Variants in MATK observed in about 807,000 individuals in gnomAD.
MATK encodes the protein megakaryocyte-associated tyrosine kinase.
A neutral mutation model predicts 59.8 loss-of-function variants in MATK; 41 were observed. The observed-to-expected ratio is 0.69, with a 90% confidence interval of 0.53 to 0.89. The LOEUF is 0.89. MATK is among the 40% of genes least tolerant of loss of function. The probability of loss-of-function intolerance (pLI) is 0.00; values close to 1 mark genes in which losing one functional copy is unlikely to be tolerated. For synonymous variants in MATK, 308 were observed against 306.1 expected (o/e 1.01, Z -0.06); for missense variants, 593 against 719.6 (o/e 0.82, Z 2.01).
Position 3,785,146 on chromosome 19 carries a change from G to A in MATK, c.-11C>T, listed in dbSNP as rs1410609620. On this transcript the variant is annotated 5_prime_UTR_variant, in exon 2 of 14. Coordinates refer to ENST00000310132, the MANE Select transcript of MATK (RefSeq NM_139355.3). ...GCCTCGCCCCGCCATCGCCCCCAGA[G>A]GGAAACTGAGGCAGGTGAGAGGCAC... 1 of 1,613,892 alleles carries A rather than the reference G, an allele frequency of 6.2e-7. No homozygotes were observed. The highest frequency in any genetic ancestry group is 8.5e-7 in the Non-Finnish European group (1 of 1,179,986).
chr19:3,782,583 G>A (rs1023145784), intron 7 of MATK, among the ~76,000 whole-genome samples: 29 of 152,260 alleles, frequency 1.9e-4, no homozygotes, highest in African/African-American at 7.0e-4. Context: ...TGGATGTGTG[G>A]AGGAAGGGCT....
chr19:3,778,907 A>T (rs545500806), intron 12 of MATK, 85 bp downstream of exon 12: 1 of 1,362,018 alleles, frequency 7.3e-7, no homozygotes, highest in South Asian at 1.5e-5. Context: ...TTGGAGTTTC[A>T]GAGAGGCCAA....
chr19:3,785,273 G>C lies in MATK; in HGVS notation c.-138C>G. ...GCTGGGTGCCACTGGACCGAGCCTG[G>C]TTCTTCCTGTTTTCTGGTTGGTAGG... On this transcript the variant is annotated 5_prime_UTR_variant, in exon 2 of 14. Transcript: ENST00000310132. 6.6e-7 allele frequency: 1 copy of C among 1,514,572 alleles called. No individual in the cohort carries two copies. The highest frequency in any genetic ancestry group is 8.8e-7 in the Non-Finnish European group (1 of 1,134,316). 93.8% of individuals were successfully genotyped at this position (1,514,572 alleles called of 1,614,324 possible). A position where few individuals can be genotyped will look rare whatever the true frequency, so the allele number is the denominator to read the frequency against.
Position 3,778,216 on chromosome 19 carries a change from G to T in MATK, c.1491C>A (p.Asp497Glu), listed in dbSNP as rs370680588. 3 of 1,569,848 alleles carry T rather than the reference G, an allele frequency of 1.9e-6. No individual in the cohort carries two copies. The highest frequency in any genetic ancestry group is 2.4e-5 in the South Asian group (2 of 85,084). Reference protein sequence around the residue: ...APASVSGQDADGSTSPRSQEP With the variant: ...APASVSGQDAEGSTSPRSQEP ...CCTGGCTTCGGGGCGAGGTGGAGCCGTCGGCGTCCTGCCCTGAGACGGAGG... is the reference window on the plus strand; with the variant it reads ...CCTGGCTTCGGGGCGAGGTGGAGCCTTCGGCGTCCTGCCCTGAGACGGAGG... Residue 497 changes from aspartate to glutamate, a missense_variant, in exon 14 of 14, where the codon GAC (aspartate) becomes GAA (glutamate). Coordinates refer to ENST00000310132, the MANE Select transcript of MATK (RefSeq NM_139355.3).
chr19:3,796,195 A>G (rs748978480), intron 1 of MATK, among the ~76,000 whole-genome samples: 9 of 152,170 alleles, frequency 5.9e-5, no homozygotes, highest in Admixed American at 3.3e-4. Context: ...GGGTAAGTAT[A>G]TTCTTGTTGG....
chr19:3,792,001 A>G (rs991909272), intron 1 of MATK, among the ~76,000 whole-genome samples: 3 of 151,982 alleles, frequency 2.0e-5, no homozygotes, highest in Admixed American at 1.3e-4. Context: ...CCAAGTACTC[A>G]GGAGGCTGAG....
chr19:3,783,576 G>A (rs2037431598), intron 6 of MATK, among the ~76,000 whole-genome samples: 1 of 151,904 alleles, frequency 6.6e-6, no homozygotes, highest in Non-Finnish European at 1.5e-5. Flanking sequence ...AGATGGGATG[G>A]GGGCCTGGGG....
intron 6 of MATK, 56 bp downstream of exon 6, chr19:3,783,758 G>C (rs117286115): frequency 1.1e-4 from 175 of 1,534,846 alleles, no homozygotes; most frequent in Non-Finnish European, 6.3e-6. Context: ...GGGAGTCTCC[G>C]GAGTCCCTGG....
rs774746037 is a variant in MATK, at chr19:3,778,289, T to C, written c.1418A>G (p.Lys473Arg). 4.4e-6 allele frequency: 7 copies of C among 1,575,672 alleles called. No individual in the cohort carries two copies. The highest frequency in any genetic ancestry group is 5.1e-6 in the Non-Finnish European group (6 of 1,166,274). ...AEPARRPPFR[K>R]LAEKLARELR... The stretch of plus-strand genomic sequence containing the variant: ...CTCCCGGGCCAGCTTCTCGGCCAGT[T>C]TGCGGAAGGGTGGCCGGCGGGCGGG... The change falls in exon 14 of 14, where the codon AAA (lysine) becomes AGA (arginine). Residue 473 changes from lysine to arginine, a missense_variant. Coordinates refer to ENST00000310132, the MANE Select transcript of MATK (RefSeq NM_139355.3).
intron 1 of MATK, among the ~76,000 whole-genome samples, chr19:3,801,127 G>A (rs994403351): frequency 2.0e-5 from 3 of 152,130 alleles, no homozygotes; most frequent in African/African-American, 4.8e-5. Flanking sequence ...GTGAGCCACC[G>A]CGCCCGGCCG....
chr19:3,783,920 C>G lies in MATK; in HGVS notation c.476G>C (p.Cys159Ser), dbSNP rs1330705409. 1.9e-6 allele frequency: 3 copies of G among 1,612,902 alleles called. No individual in the cohort carries two copies. Among genetic ancestry groups the G allele is most frequent in the Non-Finnish European group, 1.7e-6 (2 of 1,179,892 alleles). ...SARHPGDYVL[C>S]VSFGRDVIHY... ...GATGACGTCGCGGCCAAAGCTCACGCACAGGACGTAGTCGCCGGGGTGGCG... is the reference window on the plus strand; with the variant it reads ...GATGACGTCGCGGCCAAAGCTCACGGACAGGACGTAGTCGCCGGGGTGGCG... Residue 159 changes from cysteine (C) to serine (S), a missense_variant, in exon 6 of 14, where the codon TGC becomes TCC. Physicochemically the swap from Cys to Ser is moderately radical, Grantham distance 112. Coordinates refer to ENST00000310132, the MANE Select transcript of MATK (RefSeq NM_139355.3).
upstream of MATK, among the ~76,000 whole-genome samples, chr19:3,787,109 C>T (rs1347734718): frequency 6.6e-6 from 1 of 152,154 alleles, no homozygotes; most frequent in Non-Finnish European, 1.5e-5. Context: ...CTGCTTTCAC[C>T]CAATGCAGGC....
Position 3,785,203 on chromosome 19 carries a change from G to T in MATK, c.-68C>A, listed in dbSNP as rs1290901727. ...CAAGTGGTCACAGTCGGGGACGCTG[G>T]GAATGGCCTGCCACAGGCCAGTCGG... On this transcript the variant is annotated 5_prime_UTR_variant, in exon 2 of 14. Transcript: ENST00000310132. The T allele has an allele frequency of 1.9e-6, 3 of 1,608,746 alleles. No individual in the cohort carries two copies. Among genetic ancestry groups the T allele is most frequent in the Non-Finnish European group, 2.5e-6 (3 of 1,178,428 alleles).
At chr19:3,793,195 C>T (rs754577542) in intron 1 of MATK, 6 of 152,238 alleles carry the variant, frequency 3.9e-5, no homozygotes, top group Non-Finnish European at 8.8e-5. Flanking sequence ...GTCCTTAAGA[C>T]GCAGCCGGAC....
chr19:3,782,423 A>G (rs1396994463), intron 7 of MATK, among the ~76,000 whole-genome samples: 1 of 152,256 alleles, frequency 6.6e-6, no homozygotes, highest in Admixed American at 6.5e-5. Context: ...GGAGACAGAC[A>G]TGGGGTCAGA....
chr19:3,789,179 C>T (rs1466759456), upstream of MATK: 1 of 661,616 alleles, frequency 1.5e-6, no homozygotes. Flanking sequence ...TGCGGGCCCA[C>T]CATATATGGC....
chr19:3,784,825 C>T lies in MATK; in HGVS notation c.132G>A (p.Thr44=), dbSNP rs929104503. Residue 44 remains threonine, a splice_region_variant and synonymous_variant, in exon 3 of 14, where the codon ACG becomes ACA. Transcript: ENST00000310132. The stretch of plus-strand genomic sequence containing the variant: ...GAGGAAGCAGGCTAGACACACTCAC[C>T]GTTGGCATCCTGGCTGAGACGGGAG... ...HPPPVSARMP[T]RRWAPGTQCI... 2.6e-6 allele frequency: 4 copies of T among 1,550,880 alleles called. No individual in the cohort carries two copies. Among genetic ancestry groups the T allele is most frequent in the Middle Eastern group, 1.7e-4 (1 of 5,986 alleles).
intron 1 of MATK, among the ~76,000 whole-genome samples, chr19:3,801,117 G>A (rs2037639348): frequency 6.6e-6 from 1 of 152,176 alleles, no homozygotes; most frequent in Non-Finnish European, 1.5e-5. Context: ...GATGACAGGC[G>A]TGAGCCACCG....
rs1397562920 is a variant in MATK at position 3,800,527 on chromosome 19, T to C, written c.-58+1005A>G. ...TGGGCGTGGTGGCAGGTGCCTGTAATCCCAGCTACTCAGGAGGCTGAGGCA... is the reference window on the plus strand; with the variant it reads ...TGGGCGTGGTGGCAGGTGCCTGTAACCCCAGCTACTCAGGAGGCTGAGGCA... On this transcript the variant is annotated intron_variant, in intron 1 of 13. Transcript: ENST00000395045. Among the ~76,000 whole-genome samples, 4 of 151,950 alleles carry C rather than the reference T, an allele frequency of 2.6e-5. No individual in the cohort carries two copies. In the East Asian group the frequency reaches 7.8e-4, roughly 30 times the overall value.
Sources: allele counts gnomAD v4.1 joint callset (sites outside exome capture counted in the v4.1 genomes callset), GRCh38; gene constraint gnomAD v4.1.1; transcripts MANE v1.5; gene names NCBI Gene and HGNC (gene_info 2026-07-23, HGNC 2026-07-21).